The following PUS7 variants were observed in gnomAD, a reference collection of about 807,000 sequenced individuals.
PUS7 encodes pseudouridine synthase 7, also known as pseudouridylate synthase 7 homolog.
A neutral mutation model predicts 79.8 loss-of-function variants in PUS7; 48 were observed. That is an observed-to-expected ratio of 0.60 (90% confidence interval 0.48 to 0.76). The LOEUF (loss-of-function observed/expected upper bound fraction) is 0.76, where lower values mean the gene tolerates loss of function less well. Ranked by LOEUF, PUS7 falls within the 30% of genes least tolerant of loss-of-function variation. The pLI, the probability that PUS7 is intolerant of heterozygous loss-of-function variation, is 0.00. For synonymous variants in PUS7, 286 were observed against 272.2 expected (o/e 1.05, Z -0.50); for missense variants, 729 against 797.6 (o/e 0.91, Z 1.04).
intron 9 of PUS7, among the ~76,000 whole-genome samples, chr7:105,477,501 C>A (rs1391638935): frequency 2.6e-5 from 4 of 152,054 alleles, no homozygotes; most frequent in African/African-American, 7.2e-5. Flanking sequence ...CCGCCACCCA[C>A]CTCGGCCTCC....
chr7:105,508,220 G>T lies in PUS7; in HGVS notation c.293C>A (p.Ser98Ter). 6.2e-7 allele frequency: 1 copy of T among 1,614,090 alleles called. No individual in the cohort carries two copies. The highest frequency in any genetic ancestry group is 8.5e-7 in the Non-Finnish European group (1 of 1,180,030). Residue 98 changes from serine (S) to a stop codon, truncating the protein, a stop_gained, in exon 2 of 16, where the codon TCA becomes TAA. Transcript: ENST00000469408. LOFTEE classifies it high-confidence loss of function. ...GLSEECEEEE[S>*]ESFADMMKHG... is the part of the protein sequence containing the mutation. ...CTTCATCATGTCTGCAAAACTCTCT[G>T]ATTCCTCCTCCTCGCACTCCTCTGA...
intron 9 of PUS7, among the ~76,000 whole-genome samples, chr7:105,479,354 C>A (rs926434684): frequency 6.6e-6 from 1 of 151,974 alleles, no homozygotes; most frequent in African/African-American, 2.4e-5. Flanking sequence ...GACTGGAAGC[C>A]CGGAAAACTC....
intron 6 of PUS7, 60 bp from the exon 7 acceptor site, chr7:105,491,677 T>C: frequency 1.1e-6 from 1 of 949,146 alleles, no homozygotes; most frequent in Non-Finnish European, 1.6e-6. Context: ...AAGGAAATCC[T>C]AATTCTCATA....
intron 13 of PUS7, among the ~76,000 whole-genome samples, chr7:105,464,411 C>A (rs902948164): frequency 5.9e-5 from 9 of 152,178 alleles, no homozygotes; most frequent in African/African-American, 2.2e-4. Context: ...CTAGAGAAGA[C>A]TGGCATGTGA....
intron 1 of PUS7, among the ~76,000 whole-genome samples, chr7:105,510,892 C>A (rs1209593009): frequency 6.6e-6 from 1 of 152,050 alleles, no homozygotes; most frequent in Non-Finnish European, 1.5e-5. Context: ...AGGTAACATA[C>A]TGATGAATGT....
At chr7:105,500,657 C>T (rs1479680416) in intron 5 of PUS7, among the ~76,000 whole-genome samples, 1 of 152,204 alleles carries the variant, frequency 6.6e-6, no homozygotes, top group Non-Finnish European at 1.5e-5. Flanking sequence ...GCCTTCCCAA[C>T]TGGGTTCCCT....
rs1823301791 is a variant in PUS7, at chr7:105,458,916, C to T, written c.1849+252G>A. ...ATTTTCACTCACCTTTGGTAAGTCTCTGTGGGGGATGGGGAGAAATACTCC... is the reference window on the plus strand; with the variant it reads ...ATTTTCACTCACCTTTGGTAAGTCTTTGTGGGGGATGGGGAGAAATACTCC... On this transcript the variant is annotated intron_variant, in intron 15 of 15. Transcript: ENST00000469408. Among the ~76,000 whole-genome samples, 3 of 152,088 alleles carry T rather than the reference C, an allele frequency of 2.0e-5. 1 individual carries two copies. The South Asian group carries it at 6.2e-4, about 32-fold the overall frequency.
chr7:105,514,917 C>T (rs903384063), intron 1 of PUS7, among the ~76,000 whole-genome samples: 4 of 151,798 alleles, frequency 2.6e-5, no homozygotes, highest in African/African-American at 9.7e-5. Context: ...TCAGCCTCCT[C>T]CCGAGTAGCT....
At chr7:105,483,212 CA>C (rs1325680083) in intron 7 of PUS7, among the ~76,000 whole-genome samples, 3 of 151,814 alleles carry the variant, frequency 2.0e-5, no homozygotes, top group African/African-American at 2.4e-5. Context: ...CTCTGTTGCC[CA>C]GACTGGAGTG....
chr7:105,507,095 G>A (rs906097041), intron 2 of PUS7, among the ~76,000 whole-genome samples: 1 of 151,980 alleles, frequency 6.6e-6, no homozygotes, highest in Non-Finnish European at 1.5e-5. Context: ...GCCCAGGCTG[G>A]AGTGCAGTGG....
At chr7:105,510,568 C>G (rs1160004589) in intron 1 of PUS7, among the ~76,000 whole-genome samples, 3 of 152,066 alleles carry the variant, frequency 2.0e-5, no homozygotes, top group African/African-American at 7.2e-5. Context: ...GGCTTGAGAG[C>G]AGTGGCACGA....
chr7:105,457,886 G>A lies in PUS7; in HGVS notation c.1890C>T (p.Pro630=). ...YRALKMDFSL[P]PSTYATMAIR... ...TGGCCATGGTGGCGTAAGTAGAAGG[G>A]GGTAGAGAAAAATCCATTTTCAGAG... The change falls in exon 16 of 16, where the codon CCC becomes CCT. Residue 630 remains proline (P), a synonymous_variant. Coordinates refer to ENST00000469408, the MANE Select transcript of PUS7 (RefSeq NM_019042.5). 1 of 1,614,060 alleles carries A rather than the reference G, an allele frequency of 6.2e-7. No homozygotes were observed. Among genetic ancestry groups the A allele is most frequent in the South Asian group, 1.1e-5 (1 of 91,068 alleles).
At chr7:105,494,095 G>A (rs952410238) in intron 6 of PUS7, among the ~76,000 whole-genome samples, 11 of 152,096 alleles carry the variant, frequency 7.2e-5, no homozygotes, top group Admixed American at 5.9e-4. Context: ...AAATCAGACC[G>A]GTCTCAGGTT....
chr7:105,480,975 A>G, intron 9 of PUS7, 77 bp downstream of exon 9: 1 of 1,489,204 alleles, frequency 6.7e-7, no homozygotes, highest in Non-Finnish European at 9.1e-7. Context: ...CGTAGAAATA[A>G]TTAAAAACAC....
At chr7:105,479,497 A>C (rs1245691762) in intron 9 of PUS7, among the ~76,000 whole-genome samples, 1 of 152,144 alleles carries the variant, frequency 6.6e-6, no homozygotes, top group Non-Finnish European at 1.5e-5. Context: ...TAACTACCAC[A>C]ATTCTAACTC....
intron 9 of PUS7, among the ~76,000 whole-genome samples, chr7:105,473,396 G>A (rs548430623): frequency 6.6e-6 from 1 of 151,420 alleles, no homozygotes; most frequent in Admixed American, 6.6e-5. Context: ...ACTACAGGCT[G>A]AGTCAGCATG....
intron 9 of PUS7, among the ~76,000 whole-genome samples, chr7:105,475,089 C>T (rs1824034214): frequency 1.3e-5 from 2 of 152,164 alleles, no homozygotes; most frequent in East Asian, 3.9e-4. Flanking sequence ...AAGATGCTAC[C>T]ATATACTGTA....
intron 5 of PUS7, among the ~76,000 whole-genome samples, chr7:105,501,964 AAAAAAATAT>A (rs1381969472): frequency 6.8e-5 from 7 of 103,608 alleles, no homozygotes; most frequent in African/African-American, 2.5e-4. Context: ...CAAAAAAAAA[AAAAAAATAT>A]ATATATATAT....
chr7:105,497,250 C>A (rs963104779), intron 5 of PUS7, among the ~76,000 whole-genome samples: 5 of 152,190 alleles, frequency 3.3e-5, no homozygotes, highest in African/African-American at 1.2e-4. Context: ...CAAAGCTGCA[C>A]TGTCTGTACC....
Sources: allele counts gnomAD v4.1 joint callset (sites outside exome capture counted in the v4.1 genomes callset), GRCh38; gene constraint gnomAD v4.1.1; transcripts MANE v1.5; gene names NCBI Gene and HGNC (gene_info 2026-07-23, HGNC 2026-07-21).